Variants in CHD9 observed in about 807,000 individuals in gnomAD.
CHD9 encodes ATP-dependent chromatin remodeler CHD9.
CHD9 carries 77 observed loss-of-function variants against 316.1 expected under a neutral mutation model. The observed-to-expected ratio is 0.24, with a 90% CI of 0.20 to 0.29. The LOEUF (loss-of-function observed/expected upper bound fraction) is 0.29, where lower values mean the gene tolerates loss of function less well. Among genes scored for constraint, CHD9 ranks in the 10% least tolerant of loss-of-function variants. The pLI is 1.00. For synonymous variants in CHD9, 1,129 were observed against 1,158.3 expected (o/e 0.97, Z 0.51); for missense variants, 2,763 against 3,438.1 (o/e 0.80, Z 4.91).
chr16:53,199,311 C>G (rs571579223), intron 2 of CHD9, among the ~76,000 whole-genome samples: 1 of 152,252 alleles, frequency 6.6e-6, no homozygotes, highest in South Asian at 2.1e-4. Context: ...ATCTTAATAT[C>G]TGATCCTGTT....
intron 19 of CHD9, among the ~76,000 whole-genome samples, chr16:53,258,560 C>T (rs1409171373): frequency 6.6e-6 from 1 of 152,084 alleles, no homozygotes; most frequent in African/African-American, 2.4e-5. Flanking sequence ...ACACTTTTTC[C>T]TGCGACCCAA....
At chr16:53,290,756 C>A (rs1327355723) in intron 27 of CHD9, among the ~76,000 whole-genome samples, 1 of 151,956 alleles carries the variant, frequency 6.6e-6, no homozygotes, top group Non-Finnish European at 1.5e-5. Flanking sequence ...CCAGCCTGGA[C>A]AACACAGTGA....
Position 53,231,493 on chromosome 16 carries a change from G to T in CHD9, c.2361G>T (p.Lys787Asn). Residue 787 changes from lysine to asparagine, a missense_variant, in exon 9 of 39, where the codon AAG (lysine) becomes AAT (asparagine). Around this residue, in one of 15 missense-constraint regions of CHD9, gnomAD observed 186 missense variants for 245.0 expected, o/e 0.76. Coordinates refer to ENST00000447540, the MANE Select transcript of CHD9 (RefSeq NM_001308319.2). ...TAGAAGTCTCTTTTTGTGAAGATAA[G>T]GATACTGGTGAGGTAAATATATGGT... ...RVLEVSFCED[K>N]DTGEPVIYYL... The T allele has an allele frequency of 6.3e-7, 1 of 1,581,076 alleles. No homozygotes were observed. The highest frequency in any genetic ancestry group is 8.7e-7 in the Non-Finnish European group (1 of 1,153,392).
chr16:53,102,714 G>A (rs1298744959), intron 1 of CHD9, among the ~76,000 whole-genome samples: 2 of 152,094 alleles, frequency 1.3e-5, no homozygotes, highest in African/African-American at 4.8e-5. Flanking sequence ...GCCAGGCATG[G>A]TGGTGCATGC....
At chr16:53,115,084 T>A (rs2038188179) in intron 1 of CHD9, among the ~76,000 whole-genome samples, 1 of 152,214 alleles carries the variant, frequency 6.6e-6, no homozygotes, top group Non-Finnish European at 1.5e-5. Context: ...TTAACTTAGG[T>A]TACTTGAATG....
intron 2 of CHD9, among the ~76,000 whole-genome samples, chr16:53,164,647 G>C (rs1029749226): frequency 2.0e-5 from 3 of 151,352 alleles, no homozygotes; most frequent in African/African-American, 7.3e-5. Flanking sequence ...TTTTTTGGAG[G>C]GGGGGGTTTG....
At chr16:53,226,662 T>C in intron 5 of CHD9, 150 bp downstream of exon 5, 1 of 828,806 alleles carries the variant, frequency 1.2e-6, no homozygotes, top group Non-Finnish European at 1.8e-6. Flanking sequence ...ATTAGAAACC[T>C]AGGGATTCAT....
chr16:53,113,361 G>T (rs2038014456), intron 1 of CHD9, among the ~76,000 whole-genome samples: 1 of 134,748 alleles, frequency 7.4e-6, no homozygotes, highest in Admixed American at 7.8e-5. Flanking sequence ...AAGAATCTTG[G>T]CACTTTTTTT....
chr16:53,263,283 G>A (rs1380668730), intron 20 of CHD9, among the ~76,000 whole-genome samples, 186 bp downstream of exon 20: 1 of 152,112 alleles, frequency 6.6e-6, no homozygotes, highest in Non-Finnish European at 1.5e-5. Flanking sequence ...TATCTCCCAT[G>A]ATGGGTTATC....
rs192580683 is a variant in CHD9 at position 53,133,799 on chromosome 16, T to A, written c.-164-22127T>A. On this transcript the variant is annotated intron_variant, in intron 1 of 38. Transcript: ENST00000447540. ...TTTAGAAACTTTAATTACAAACTTC[T>A]TATCTAATGCAACCGAATGCTTTCT... 2.6e-5 allele frequency among the ~76,000 whole-genome samples: 4 copies of A among 152,334 alleles called. No individual in the cohort carries two copies. In the East Asian group the frequency reaches 7.7e-4, roughly 29 times the overall value.
intron 1 of CHD9, among the ~76,000 whole-genome samples, chr16:53,086,129 A>G (rs1204464236): frequency 6.6e-6 from 1 of 152,172 alleles, no homozygotes; most frequent in African/African-American, 2.4e-5. Flanking sequence ...CTTCAAGGGG[A>G]CGTGCGGAAA....
At chr16:53,161,119 G>A (rs2041879616) in intron 2 of CHD9, among the ~76,000 whole-genome samples, 1 of 152,094 alleles carries the variant, frequency 6.6e-6, no homozygotes, top group South Asian at 2.1e-4. Context: ...AAAACACTCT[G>A]TTCTCAAGTT....
At chr16:53,136,945 A>T (rs1217060645) in intron 1 of CHD9, among the ~76,000 whole-genome samples, 3 of 151,970 alleles carry the variant, frequency 2.0e-5, no homozygotes, top group African/African-American at 7.3e-5. Flanking sequence ...GTGTTCCTCG[A>T]GTAACATTAT....
chr16:53,116,993 T>C (rs2038358933), intron 1 of CHD9, among the ~76,000 whole-genome samples: 1 of 152,152 alleles, frequency 6.6e-6, no homozygotes, highest in African/African-American at 2.4e-5. Flanking sequence ...AAATACCACA[T>C]GTTCTTACTC....
chr16:53,123,620 G>T (rs1158245000), intron 1 of CHD9, among the ~76,000 whole-genome samples: 1 of 152,042 alleles, frequency 6.6e-6, no homozygotes, highest in Non-Finnish European at 1.5e-5. Context: ...TCCTGCCTCA[G>T]CCTCCTGAGT....
chr16:53,085,936 C>T (rs1315959466), intron 1 of CHD9, among the ~76,000 whole-genome samples: 1 of 152,048 alleles, frequency 6.6e-6, no homozygotes, highest in African/African-American at 2.4e-5. Context: ...CCTTCATAAA[C>T]AAGGAAATTG....
intron 19 of CHD9, among the ~76,000 whole-genome samples, chr16:53,258,770 A>G (rs1197179605): frequency 6.6e-6 from 1 of 152,184 alleles, no homozygotes; most frequent in Non-Finnish European, 1.5e-5. Context: ...AAGTGATGAT[A>G]TCCCCTAAAA....
chr16:53,182,249 C>G (rs1457498264), intron 2 of CHD9, among the ~76,000 whole-genome samples: 2 of 152,116 alleles, frequency 1.3e-5, no homozygotes, highest in Non-Finnish European at 2.9e-5. Flanking sequence ...GGCTGGAATG[C>G]AGTGGCTTAA....
intron 1 of CHD9, among the ~76,000 whole-genome samples, chr16:53,143,358 T>TCTTA (rs1555491137): frequency 7.2e-6 from 1 of 137,982 alleles, no homozygotes; most frequent in African/African-American, 2.7e-5. Flanking sequence ...TTTTATCTTA[T>TCTTA]TTTATTTATT....
Sources: gnomAD v4.1 joint callset for allele counts (sites outside exome capture counted in the v4.1 genomes callset) on GRCh38, gnomAD v4.1.1 for gene constraint, gnomAD v4.1.1 regional missense constraint, MANE v1.5 for transcripts, NCBI Gene and HGNC (gene_info 2026-07-23, HGNC 2026-07-21) for gene names.